Variants in TRAPPC11 observed in about 807,000 individuals in gnomAD.
TRAPPC11 encodes the protein trafficking protein particle complex subunit 11.
Under a neutral mutation model 151.2 loss-of-function variants are expected in TRAPPC11, and 104 were observed. That is an observed-to-expected ratio of 0.69 (90% CI 0.59 to 0.81). The LOEUF is 0.81. Among genes scored for constraint, TRAPPC11 ranks in the 30% least tolerant of loss-of-function variants. TRAPPC11 has a pLI of 0.00. For missense variants in TRAPPC11, 1,230 were observed against 1,349.6 expected (o/e 0.91, Z 1.39); for synonymous variants, 456 against 472.3 (o/e 0.97, Z 0.45).
At chr4:183,668,460 T>C (rs1734991923) in intron 5 of TRAPPC11, among the ~76,000 whole-genome samples, 1 of 152,230 alleles carries the variant, frequency 6.6e-6, no homozygotes. Flanking sequence ...TAACATTACC[T>C]CATTAACATG....
In TRAPPC11 at chr4:183,697,632, T is replaced by G. The variant is rs750837781; in HGVS notation, c.2695-47T>G. ...ATAAAAATGGACTGAAATGATAAAA[T>G]GGATTAAGGTAATTCCTGACAGACC... On this transcript the variant is annotated intron_variant, in intron 24 of 29. Transcript: ENST00000334690. 1.9e-6 allele frequency: 3 copies of G among 1,607,864 alleles called. No individual in the cohort carries two copies. In the Admixed American group the frequency reaches 5.2e-5, roughly 28 times the overall value.
At chr4:183,661,364 T>G (rs1235112340) in intron 1 of TRAPPC11, among the ~76,000 whole-genome samples, 9 of 127,664 alleles carry the variant, frequency 7.0e-5, no homozygotes, top group African/African-American at 2.8e-4. Flanking sequence ...AGATTACCTT[T>G]TTTTTTTTTT....
At position 183,668,199 on chromosome 4, in the gene TRAPPC11, T is replaced by A. The variant is rs112127335; in HGVS notation, c.560+82T>A. On this transcript the variant is annotated intron_variant, in intron 5 of 29. Transcript: ENST00000334690. ...GGTAGCTTAGACCCATTTATTTTTT[T>A]AAAAAATCATGTTCATGAAAAACAT... is the stretch of plus-strand genomic sequence containing the variant. The A allele has an allele frequency of 3.2e-4, 235 of 739,718 alleles. 1 individual carries two copies. The African/African-American group carries it at 3.6e-3, about 11-fold the overall frequency. The allele number at this position is 739,718 out of a possible 1,614,324, so 45.8% of individuals were successfully genotyped here.
rs1318410684 is a variant in TRAPPC11, at chr4:183,659,939, G to A, written c.-22+492G>A. Among the ~76,000 whole-genome samples the A allele has an allele frequency of 4.6e-5, 7 of 151,626 alleles. No individual in the cohort carries two copies. The East Asian group carries it at 1.4e-3, about 29-fold the overall frequency. On this transcript the variant is annotated intron_variant, in intron 1 of 29. Transcript: ENST00000334690. ...ATTAGGTTTTGGGGTTTTTTTAGTTGCCAATTTGATTGGGTCACCTTTCTT... is the reference window on the plus strand; with the variant it reads ...ATTAGGTTTTGGGGTTTTTTTAGTTACCAATTTGATTGGGTCACCTTTCTT...
At chr4:183,699,749 ACTC>A (rs1281657373) in intron 25 of TRAPPC11, among the ~76,000 whole-genome samples, 2 of 151,430 alleles carry the variant, frequency 1.3e-5, no homozygotes, top group East Asian at 3.9e-4. Context: ...GGTCACCTGC[ACTC>A]CTCCTCATGT....
Position 183,691,478 on chromosome 4 carries a change from T to C in TRAPPC11, c.2049+7T>C. 6.9e-7 allele frequency: 1 copy of C among 1,440,816 alleles called. No individual in the cohort carries two copies. The highest frequency in any genetic ancestry group is 9.3e-7 in the Non-Finnish European group (1 of 1,077,692). The allele number at this position is 1,440,816 out of a possible 1,614,324, so 89.3% of individuals were successfully genotyped here. On this transcript the variant is annotated splice_region_variant and intron_variant, in intron 19 of 29. Transcript: ENST00000334690. Reference sequence around the variant, plus strand: ...TGTGGGAAAGAAAATTGAGGTTAGTTATGAAATTTGTTTTAAAATATTTTT... The same window carrying C: ...TGTGGGAAAGAAAATTGAGGTTAGTCATGAAATTTGTTTTAAAATATTTTT...
rs1278065030 is a variant in TRAPPC11, at chr4:183,708,542, A to G, written c.3325A>G (p.Arg1109Gly). The G allele has an allele frequency of 1.2e-5, 20 of 1,614,112 alleles. No homozygotes were observed. Among genetic ancestry groups the G allele is most frequent in the Non-Finnish European group, 1.7e-5 (20 of 1,179,990 alleles). Residue 1109 changes from arginine to glycine, a missense_variant, in exon 29 of 30, where the codon AGG becomes GGG. By Grantham distance (125) the Arg-to-Gly change is moderately radical. Transcript: ENST00000334690. The part of the protein sequence containing the change: ...RFPNFTNQLL[R>G]RFIPTSIFVK... ...TCCTAACTTCACAAATCAGCTGCTC[A>G]GGCGTTTTATACCTACCAGTATTTT...
At chr4:183,680,036 G>GT in intron 9 of TRAPPC11, 84 bp from the exon 10 acceptor site, 1 of 1,216,232 alleles carries the variant, frequency 8.2e-7, no homozygotes, top group Admixed American at 2.2e-5. Flanking sequence ...GTCTGCTGAG[G>GT]TTAAGTTTCC....
chr4:183,699,132 C>T (rs1736682449), intron 25 of TRAPPC11, among the ~76,000 whole-genome samples: 1 of 152,206 alleles, frequency 6.6e-6, no homozygotes, highest in Non-Finnish European at 1.5e-5. Context: ...CTACCCCAGG[C>T]TGTCTACTGC....
At chr4:183,680,384 A>G (rs1353145480) in intron 10 of TRAPPC11, 117 bp downstream of exon 10, 1 of 1,140,906 alleles carries the variant, frequency 8.8e-7, no homozygotes, top group Non-Finnish European at 1.2e-6. Flanking sequence ...ATTAGTTTTT[A>G]TTTTTTATAG....
At position 183,706,895 on chromosome 4, in the gene TRAPPC11, T is replaced by C; in HGVS notation, c.3144T>C (p.Ile1048=). The change falls in exon 28 of 30, where the codon ATT becomes ATC. Residue 1048 remains isoleucine, a synonymous_variant. Coordinates refer to ENST00000334690, the MANE Select transcript of TRAPPC11 (RefSeq NM_021942.6). ...NKTDLVQDVE[I]SVEPSDAFMF... ...CCGACTTAGTTCAAGATGTAGAAAT[T>C]TCTGTGGAGCCCAGTGATGCCTTCA... 1 of 1,614,142 alleles carries C rather than the reference T, an allele frequency of 6.2e-7. No individual in the cohort carries two copies. Among genetic ancestry groups the C allele is most frequent in the Admixed American group, 1.7e-5 (1 of 60,014 alleles).
chr4:183,668,743 C>A (rs1479419703), intron 5 of TRAPPC11, among the ~76,000 whole-genome samples: 1 of 152,222 alleles, frequency 6.6e-6, no homozygotes. Context: ...GGAGACACAA[C>A]ATTACCTCAA....
intron 5 of TRAPPC11, 121 bp from the exon 6 acceptor site, chr4:183,674,592 T>G (rs1735318291): frequency 1.9e-6 from 1 of 521,452 alleles, no homozygotes; most frequent in Non-Finnish European, 3.4e-6. Flanking sequence ...CTTTGTCTTA[T>G]TCATAATGTA....
Position 183,678,327 on chromosome 4 carries a change from T to C in TRAPPC11, c.831+773T>C, listed in dbSNP as rs562545680. ...GCCCTCAGAAGTCAAGCAACGGCTG[T>C]TTGGTTTGCTTTTAGTTTTTTCACA... On this transcript the variant is annotated intron_variant, in intron 8 of 29. Transcript: ENST00000334690. 8.5e-5 allele frequency among the ~76,000 whole-genome samples: 13 copies of C among 152,246 alleles called. No homozygotes were observed. In the South Asian group the frequency reaches 2.3e-3, roughly 27 times the overall value.
intron 20 of TRAPPC11, 108 bp downstream of exon 20, chr4:183,693,255 G>A (rs1736349727): frequency 5.6e-6 from 6 of 1,074,806 alleles, no homozygotes; most frequent in Admixed American, 3.0e-5. Flanking sequence ...GCAGTGGTGT[G>A]ATCACGACTC....
At position 183,677,616 on chromosome 4, in the gene TRAPPC11, A is replaced by T. The variant is rs1277462959; in HGVS notation, c.831+62A>T. 7 of 952,886 alleles carry T rather than the reference A, an allele frequency of 7.3e-6. No individual in the cohort carries two copies. In the East Asian group the frequency reaches 1.5e-4, roughly 20 times the overall value. The allele number at this position is 952,886 out of a possible 1,614,324, so 59.0% of individuals were successfully genotyped here. A position where few individuals can be genotyped will look rare whatever the true frequency, so the allele number is the denominator to read the frequency against. On this transcript the variant is annotated intron_variant, in intron 8 of 29. Coordinates refer to ENST00000334690, the MANE Select transcript of TRAPPC11 (RefSeq NM_021942.6). The stretch of plus-strand genomic sequence containing the variant: ...TTCAATATTAAATTATCTTTTTAAA[A>T]TTTGAACATCAAAATTAATTTCTTG...
At chr4:183,690,857 A>G (rs1204258637) in intron 18 of TRAPPC11, among the ~76,000 whole-genome samples, 1 of 152,154 alleles carries the variant, frequency 6.6e-6, no homozygotes, top group Non-Finnish European at 1.5e-5. Flanking sequence ...GGTCCCAGCT[A>G]CTTTGGAGGC....
chr4:183,677,246 G>A (rs1397072330), intron 7 of TRAPPC11, among the ~76,000 whole-genome samples: 1 of 152,094 alleles, frequency 6.6e-6, no homozygotes, highest in Non-Finnish European at 1.5e-5. Flanking sequence ...GAAGAACAAC[G>A]CACATGTCAT....
intron 5 of TRAPPC11, 91 bp from the exon 6 acceptor site, chr4:183,674,622 C>T: frequency 3.1e-6 from 2 of 649,250 alleles, no homozygotes; most frequent in Non-Finnish European, 2.6e-6. Flanking sequence ...TTTCTGTCAC[C>T]ATTTTACTTT....
Sources: allele counts gnomAD v4.1 joint callset (sites outside exome capture counted in the v4.1 genomes callset), GRCh38; gene constraint gnomAD v4.1.1; transcripts MANE v1.5; gene names NCBI Gene and HGNC (gene_info 2026-07-23, HGNC 2026-07-21).